The following GPC5 variants were observed in gnomAD, a reference collection of about 807,000 sequenced individuals.
The protein encoded by GPC5 is glypican 5.
GPC5 carries 47 observed loss-of-function variants against 53.9 expected under a neutral mutation model. The ratio of observed to expected loss-of-function variants is 0.87; its 90% CI spans 0.69 to 1.11. GPC5 has a LOEUF of 1.11. GPC5 is among the 50% of genes most tolerant of loss of function. The pLI, the probability that GPC5 is intolerant of heterozygous loss-of-function variation, is 0.00. For synonymous variants in GPC5, 286 were observed against 263.3 expected (o/e 1.09, Z -0.84); for missense variants, 748 against 713.1 (o/e 1.05, Z -0.56).
At chr13:92,631,936 A>G (rs1885253288) in intron 7 of GPC5, among the ~76,000 whole-genome samples, 1 of 152,200 alleles carries the variant, frequency 6.6e-6, no homozygotes, top group South Asian at 2.1e-4. Flanking sequence ...CATTATGTAT[A>G]TGCAAATATT....
chr13:91,483,504 C>A (rs934276355), intron 2 of GPC5, among the ~76,000 whole-genome samples: 4 of 152,148 alleles, frequency 2.6e-5, no homozygotes, highest in Non-Finnish European at 1.5e-5. Flanking sequence ...TGACGCTCAT[C>A]CTCATTTTGT....
chr13:92,733,613 C>T (rs1042179051), intron 7 of GPC5, among the ~76,000 whole-genome samples: 2 of 151,560 alleles, frequency 1.3e-5, no homozygotes, highest in African/African-American at 4.8e-5. Context: ...AAATGGACAA[C>T]CTTTAGAATT....
chr13:92,585,160 G>A (rs1328031700), intron 7 of GPC5, among the ~76,000 whole-genome samples: 1 of 152,082 alleles, frequency 6.6e-6, no homozygotes, highest in Admixed American at 6.5e-5. Flanking sequence ...ACCCCAGAAT[G>A]GTAGATCCAC....
Position 91,421,448 on chromosome 13 carries a change from T to A in GPC5, c.163+22239T>A, listed in dbSNP as rs188124977. On this transcript the variant is annotated intron_variant, in intron 1 of 7. Coordinates refer to ENST00000377067, the MANE Select transcript of GPC5 (RefSeq NM_004466.6). ...ATAATAATACTTACCAATGTGGAAC[T>A]CAGAAGACTAATATTTTAACTCTCT... 3.0e-3 allele frequency among the ~76,000 whole-genome samples: 459 copies of A among 152,332 alleles called. 16 individuals carry two copies. In the South Asian group the frequency reaches 0.079, roughly 26 times the overall value.
At chr13:91,973,161 C>T (rs534159827) in intron 6 of GPC5, among the ~76,000 whole-genome samples, 9 of 152,182 alleles carry the variant, frequency 5.9e-5, no homozygotes, top group African/African-American at 1.4e-4. Flanking sequence ...AGGCTTTGTT[C>T]GTTTCTTTTT....
intron 7 of GPC5, among the ~76,000 whole-genome samples, chr13:92,598,876 G>T (rs1038078724): frequency 2.6e-5 from 4 of 152,132 alleles, no homozygotes; most frequent in African/African-American, 9.7e-5. Flanking sequence ...AATTAGCTGG[G>T]TGTGGTGGTG....
chr13:91,547,149 A>G (rs1167787268), intron 2 of GPC5, among the ~76,000 whole-genome samples: 1 of 152,092 alleles, frequency 6.6e-6, no homozygotes. Flanking sequence ...GAGATGCTGA[A>G]TTGAGTACTG....
chr13:92,862,677 C>T (rs1195755735), intron 7 of GPC5, among the ~76,000 whole-genome samples: 1 of 149,094 alleles, frequency 6.7e-6, no homozygotes, highest in Non-Finnish European at 1.5e-5. Context: ...AGATTTGACT[C>T]GTCTAAGTGT....
chr13:91,536,597 G>A (rs1027039925), intron 2 of GPC5, among the ~76,000 whole-genome samples: 2 of 152,184 alleles, frequency 1.3e-5, no homozygotes, highest in Non-Finnish European at 2.9e-5. Context: ...GGTTGTGAGG[G>A]AAGGATCTAC....
At position 91,750,957 on chromosome 13, in the gene GPC5, TG is replaced by T. The variant is rs2037163160; in HGVS notation, c.1155-5336del. Among the ~76,000 whole-genome samples, 6 of 144,122 alleles carry T rather than the reference TG, an allele frequency of 4.2e-5. No homozygotes were observed. The South Asian group carries it at 1.3e-3, about 31-fold the overall frequency. The allele number at this position is 144,122 out of a possible 152,430, so 94.5% of individuals were successfully genotyped here. A position where few individuals can be genotyped will look rare whatever the true frequency, so the allele number is the denominator to read the frequency against. ...GATTACAGGTGTGAGCCATTGCGCC[TG>T]GCCGGTAAGTCTTTTTGACCAGTTC... On this transcript the variant is annotated intron_variant, in intron 4 of 7. Coordinates refer to ENST00000377067, the MANE Select transcript of GPC5 (RefSeq NM_004466.6).
chr13:92,670,170 G>A (rs556605360), intron 7 of GPC5, among the ~76,000 whole-genome samples: 1 of 152,076 alleles, frequency 6.6e-6, no homozygotes, highest in East Asian at 1.9e-4. Context: ...GAGCCATGTG[G>A]AATGTAAATG....
At chr13:91,837,057 ATATT>A (rs769412894) in intron 5 of GPC5, among the ~76,000 whole-genome samples, 63 of 149,788 alleles carry the variant, frequency 4.2e-4, no homozygotes, top group African/African-American at 1.5e-3. Context: ...ATATATATTT[ATATT>A]TATTTATTGA....
chr13:92,549,432 G>A (rs913288467), intron 7 of GPC5, among the ~76,000 whole-genome samples: 1 of 151,928 alleles, frequency 6.6e-6, no homozygotes, highest in African/African-American at 2.4e-5. Context: ...AACAAATTGG[G>A]GCCTACCTCT....
chr13:92,061,438 T>A (rs1214604717), intron 6 of GPC5, among the ~76,000 whole-genome samples: 1 of 152,034 alleles, frequency 6.6e-6, no homozygotes, highest in Non-Finnish European at 1.5e-5. Flanking sequence ...GTGAAAATGC[T>A]AAGAAATTTA....
intron 7 of GPC5, among the ~76,000 whole-genome samples, chr13:92,750,291 A>G (rs1053219949): frequency 5.3e-5 from 8 of 152,100 alleles, no homozygotes; most frequent in African/African-American, 9.7e-5. Context: ...CTGTGATGAT[A>G]CTCTACAGAA....
chr13:92,789,294 G>C lies in GPC5; in HGVS notation c.1562-76988G>C, dbSNP rs961628335. Reference sequence around the variant, plus strand: ...CACCACATGGACTCTTTATGCACAAGTCATGTTTTCTGTTGAACTTTACCA... The same window carrying C: ...CACCACATGGACTCTTTATGCACAACTCATGTTTTCTGTTGAACTTTACCA... On this transcript the variant is annotated intron_variant, in intron 7 of 7. Transcript: ENST00000377067. Among the ~76,000 whole-genome samples, 8 of 152,110 alleles carry C rather than the reference G, an allele frequency of 5.3e-5. No homozygotes were observed. In the East Asian group the frequency reaches 1.5e-3, roughly 29 times the overall value.
intron 7 of GPC5, among the ~76,000 whole-genome samples, chr13:92,726,901 G>A (rs2139294267): frequency 6.6e-6 from 1 of 151,286 alleles, no homozygotes; most frequent in East Asian, 1.9e-4. Context: ...GAGAAAAGAG[G>A]GATAAAAGAA....
intron 7 of GPC5, among the ~76,000 whole-genome samples, chr13:92,298,632 T>C (rs2043054843): frequency 6.6e-6 from 1 of 152,188 alleles, no homozygotes; most frequent in Non-Finnish European, 1.5e-5. Context: ...GAGGACAATC[T>C]CCCTTTCCCG....
intron 2 of GPC5, among the ~76,000 whole-genome samples, chr13:91,482,803 C>T (rs1052552109): frequency 3.3e-5 from 5 of 152,036 alleles, no homozygotes; most frequent in African/African-American, 1.2e-4. Context: ...GGCTGAGAAA[C>T]ACTGCTCTTC....
Sources: gnomAD v4.1 joint callset for allele counts (sites outside exome capture counted in the v4.1 genomes callset) on GRCh38, gnomAD v4.1.1 for gene constraint, MANE v1.5 for transcripts, NCBI Gene and HGNC (gene_info 2026-07-23, HGNC 2026-07-21) for gene names.